ALDH4A1: variants seen among roughly 807,000 people sequenced by gnomAD.
The protein encoded by ALDH4A1 is aldehyde dehydrogenase 4 family member A1, also known as delta-1-pyrroline-5-carboxylate dehydrogenase, mitochondrial.
ALDH4A1 carries 46 observed loss-of-function variants against 70.5 expected under a neutral mutation model. The observed-to-expected ratio is 0.65, with a 90% CI of 0.51 to 0.83. The LOEUF (loss-of-function observed/expected upper bound fraction) is 0.83, where lower values mean the gene tolerates loss of function less well. Among genes scored for constraint, ALDH4A1 ranks in the 40% least tolerant of loss-of-function variants. The pLI, the probability that ALDH4A1 is intolerant of heterozygous loss-of-function variation, is 0.00. For synonymous variants in ALDH4A1, 323 were observed against 324.3 expected, an observed-to-expected ratio of 1.00 and a Z score of 0.04; for missense variants, 749 against 766.5, an observed-to-expected ratio of 0.98 and a Z score of 0.27.
intron 5 of ALDH4A1, among the ~76,000 whole-genome samples, chr1:18,885,116 G>T (rs1257078320): frequency 2.0e-5 from 3 of 152,132 alleles, no homozygotes; most frequent in African/African-American, 7.2e-5. Context: ...CATCCTGGAG[G>T]TGTTGGAAAG....
rs1386887446 is a variant in ALDH4A1 at position 18,880,075 on chromosome 1, T to G, written c.867-702A>C. 1.3e-5 allele frequency among the ~76,000 whole-genome samples: 2 copies of G among 152,290 alleles called. No homozygotes were observed. The highest frequency in any genetic ancestry group is 2.9e-5 in the Non-Finnish European group (2 of 67,994). On this transcript the variant is annotated intron_variant, in intron 8 of 14. Transcript: ENST00000375341. This position sits in a 1 kb window ranked among gnomAD's most constrained non-coding sequence, Gnocchi z 5.1. Reference sequence around the variant, plus strand: ...GGTCCAGGCCCGCTCCGCCCGCTGATAGGCGGGGAGCCCAGGGGCCCGTGG... The same window carrying G: ...GGTCCAGGCCCGCTCCGCCCGCTGAGAGGCGGGGAGCCCAGGGGCCCGTGG...
At chr1:18,886,251 G>T (rs907627003) in intron 4 of ALDH4A1, among the ~76,000 whole-genome samples, 6 of 152,178 alleles carry the variant, frequency 3.9e-5, no homozygotes, top group Non-Finnish European at 5.9e-5. Flanking sequence ...GGCAGCTTGT[G>T]TTTGGCTCAA....
chr1:18,873,632 G>A (rs1035214745), intron 14 of ALDH4A1, among the ~76,000 whole-genome samples: 2 of 152,184 alleles, frequency 1.3e-5, no homozygotes, highest in Admixed American at 6.5e-5. Flanking sequence ...TGGTGAACAC[G>A]TCCACATGCC....
chr1:18,885,231 A>G (rs1465346576), intron 5 of ALDH4A1: 2 of 572,956 alleles, frequency 3.5e-6, no homozygotes, highest in Non-Finnish European at 6.3e-6. Flanking sequence ...GAGCGAGGAC[A>G]GAGGGATGGA....
chr1:18,888,007 G>A lies in ALDH4A1; in HGVS notation c.249+1355C>T, dbSNP rs569776473. ...TAGGGCTGGCAAGATAGTTTATATC[G>A]TAATAGCTGACACTTTTGCTACCTA... On this transcript the variant is annotated intron_variant, in intron 3 of 14. Coordinates refer to ENST00000375341, the MANE Select transcript of ALDH4A1 (RefSeq NM_003748.4). Among the ~76,000 whole-genome samples the A allele has an allele frequency of 7.4e-4, 113 of 152,258 alleles. 1 individual carries two copies. The highest frequency in any genetic ancestry group is 2.6e-3 in the African/African-American group (109 of 41,562).
At chr1:18,873,959 A>T (rs369256454) in intron 14 of ALDH4A1, among the ~76,000 whole-genome samples, 144 of 152,168 alleles carry the variant, frequency 9.5e-4, no homozygotes, top group African/African-American at 3.4e-3. Context: ...TGAGTTCTTA[A>T]CCTGTGGGGT....
rs1229346931 is a variant in ALDH4A1 at position 18,871,584 on chromosome 1, ACAGAACCCACACCCAGCCCAGCTGGCAC to A, written c.*1233_*1260del. ...GAAATGACACATATCCTGGAAGGAC[ACAGAACCCACACCCAGCCCAGCTGGCAC>A]CAGCACCCACCCCCATCCATGGGCC... On this transcript the variant is annotated 3_prime_UTR_variant, in exon 15 of 15. Transcript: ENST00000375341. 1.3e-5 allele frequency: 2 copies of A among 152,348 alleles called. No homozygotes were observed. The highest frequency in any genetic ancestry group is 2.9e-5 in the Non-Finnish European group (2 of 68,160). 9.4% of individuals were successfully genotyped at this position (152,348 alleles called of 1,614,324 possible).
At chr1:18,897,927 C>A (rs1368828680) in intron 1 of ALDH4A1, among the ~76,000 whole-genome samples, 2 of 152,186 alleles carry the variant, frequency 1.3e-5, no homozygotes, top group Non-Finnish European at 2.9e-5. Context: ...TCACTCCATG[C>A]CATGACCTCT....
In ALDH4A1 at chr1:18,885,623, CA is replaced by C. The variant is rs1935170657; in HGVS notation, c.302del (p.Leu101ArgfsTer18). The C allele has an allele frequency of 1.2e-6, 2 of 1,613,996 alleles. No individual in the cohort carries two copies. Among genetic ancestry groups the C allele is most frequent in the Non-Finnish European group, 8.5e-7 (1 of 1,180,012 alleles). On this transcript the variant is annotated frameshift_variant, in exon 5 of 15. Transcript: ENST00000375341. LOFTEE classifies it high-confidence loss of function. ...GGGCAGCCTCAATGGCTTTGTTGAGCAGGCTCTAAAGGGAGAGGGAGAGGTT... is the reference window on the plus strand; with the variant it reads ...GGGCAGCCTCAATGGCTTTGTTGAGCGGCTCTAAAGGGAGAGGGAGAGGTT... ...VAKFCYADKS[L>X]LNKAIEAALA...
Position 18,881,800 on chromosome 1 carries a change from G to A in ALDH4A1, c.766C>T (p.Pro256Ser). The A allele has an allele frequency of 1.9e-6, 3 of 1,614,022 alleles. No individual in the cohort carries two copies. Among genetic ancestry groups the A allele is most frequent in the Non-Finnish European group, 2.5e-6 (3 of 1,180,040 alleles). Residue 256 changes from proline (P) to serine (S), a missense_variant, in exon 8 of 15, where the codon CCC becomes TCC. Physicochemically the swap from Pro to Ser is moderately conservative, Grantham distance 74. Coordinates refer to ENST00000375341, the MANE Select transcript of ALDH4A1 (RefSeq NM_003748.4). ...YRILREAGLP[P>S]NIIQFVPADG... ...GCTGGCACAAACTGGATGATGTTGG[G>A]GGGCAGGCCAGCCTCCCGAAGGATG... is the stretch of plus-strand genomic sequence containing the variant.
intron 11 of ALDH4A1, 93 bp downstream of exon 11, chr1:18,877,115 G>A: frequency 6.7e-7 from 1 of 1,488,516 alleles, no homozygotes; most frequent in Non-Finnish European, 9.2e-7. Flanking sequence ...GCTGGGTCAT[G>A]CCCTGGGTCA....
At chr1:18,883,078 A>G in intron 7 of ALDH4A1, 46 bp downstream of exon 7, 1 of 1,612,118 alleles carries the variant, frequency 6.2e-7, no homozygotes, top group Non-Finnish European at 8.5e-7. Flanking sequence ...TGTTGGGACC[A>G]GGAGGACAAC....
At chr1:18,887,166 G>A (rs1256083414) in intron 3 of ALDH4A1, among the ~76,000 whole-genome samples, 1 of 152,238 alleles carries the variant, frequency 6.6e-6, no homozygotes, top group Non-Finnish European at 1.5e-5. Flanking sequence ...ACCTGGTGTT[G>A]GTCCAAACCG....
At chr1:18,886,370 T>TG in intron 4 of ALDH4A1, 94 bp downstream of exon 4, 1 of 1,436,304 alleles carries the variant, frequency 7.0e-7, no homozygotes, top group Admixed American at 1.7e-5. Flanking sequence ...ACACAGCAAC[T>TG]GATGCCCCCT....
intron 3 of ALDH4A1, among the ~76,000 whole-genome samples, chr1:18,887,554 G>A (rs755768741): frequency 5.8e-4 from 88 of 152,158 alleles, no homozygotes; most frequent in Non-Finnish European, 8.2e-4. Context: ...AGCCGAGATC[G>A]CACCACTGCA....
chr1:18,883,080 G>T (rs186656983), intron 7 of ALDH4A1, 44 bp downstream of exon 7: 2 of 1,612,300 alleles, frequency 1.2e-6, no homozygotes, highest in Non-Finnish European at 1.7e-6. Context: ...TTGGGACCAG[G>T]AGGACAACCA....
intron 3 of ALDH4A1, 121 bp from the exon 4 acceptor site, chr1:18,886,632 C>T: frequency 9.2e-7 from 1 of 1,085,638 alleles, no homozygotes. Flanking sequence ...GTCCCCCCTC[C>T]CCCGCTCCCA....
At position 18,877,475 on chromosome 1, in the gene ALDH4A1, G is replaced by A; in HGVS notation, c.1078C>T (p.Leu360=). 6.3e-7 allele frequency: 1 copy of A among 1,598,080 alleles called. No individual in the cohort carries two copies. The highest frequency in any genetic ancestry group is 8.5e-7 in the Non-Finnish European group (1 of 1,172,444). ...AGCCGCCCTTTGATCTGCGGCCACA[G>A]CGAGTGCGGCACGTAGAGACGCGAG... ...ACSRLYVPHS[L]WPQIKGRLLE... is the part of the protein sequence containing the mutation. Residue 360 remains leucine, a synonymous_variant, in exon 10 of 15, where the codon CTG becomes TTG. Transcript: ENST00000375341.
intron 1 of ALDH4A1, chr1:18,900,896 G>A (rs942406040): frequency 1.6e-5 from 16 of 985,070 alleles, no homozygotes; most frequent in Non-Finnish European, 1.8e-5. Flanking sequence ...TAGGCCCATG[G>A]TGCTTGATTG....
Sources: gnomAD v4.1 joint callset for allele counts (sites outside exome capture counted in the v4.1 genomes callset) on GRCh38, gnomAD v4.1.1 for gene constraint, Gnocchi (gnomAD v3.1) non-coding constraint, MANE v1.5 for transcripts, NCBI Gene and HGNC (gene_info 2026-07-23, HGNC 2026-07-21) for gene names.